The following IGSF10 variants were observed in gnomAD, a reference collection of about 807,000 sequenced individuals.
IGSF10 encodes the protein immunoglobulin superfamily member 10, also known as calvaria mechanical force protein 608.
In IGSF10, 126 loss-of-function variants were observed where a neutral mutation model predicts 128.2. The observed-to-expected ratio is 0.98, with a 90% CI of 0.85 to 1.14. The LOEUF (loss-of-function observed/expected upper bound fraction) is 1.14, where lower values mean the gene tolerates loss of function less well. Among genes scored for constraint, IGSF10 ranks in the 50% most tolerant of loss-of-function variants. IGSF10 has a pLI of 0.00. For synonymous variants in IGSF10, 1,185 were observed against 1,146.2 expected (o/e 1.03, Z -0.68); for missense variants, 3,295 against 3,149.8 (o/e 1.05, Z -1.10).
rs1721395477 is a variant in IGSF10, at chr3:151,449,264, A to G, written c.717T>C (p.Asp239=). 2 of 1,563,202 alleles carry G rather than the reference A, an allele frequency of 1.3e-6. No individual in the cohort carries two copies. Among genetic ancestry groups the G allele is most frequent in the African/African-American group, 1.4e-5 (1 of 72,764 alleles). The change falls in exon 6 of 8, where the codon GAT becomes GAC. Residue 239 remains aspartate (D), a splice_region_variant and synonymous_variant. Coordinates refer to ENST00000282466, the MANE Select transcript of IGSF10 (RefSeq NM_178822.5). ...WLSDWIQEKP[D]VIKCKKDRSP... ...TTCTATCTTTTTTGCATTTTATTACATCTGGAAAAAAATCACAATTGAATT... is the reference window on the plus strand; with the variant it reads ...TTCTATCTTTTTTGCATTTTATTACGTCTGGAAAAAAATCACAATTGAATT...
the IGSF10 span, among the ~76,000 whole-genome samples, chr3:151,497,457 G>C: frequency 7.2e-5 from 11 of 152,132 alleles, no homozygotes; most frequent in Non-Finnish European, 1.3e-4. Context: ...GCTTGTTTTT[G>C]TCAGGTTGGT....
At chr3:151,588,597 G>T in the IGSF10 span, among the ~76,000 whole-genome samples, 1 of 152,152 alleles carries the variant, frequency 6.6e-6, no homozygotes, top group African/African-American at 2.4e-5. Context: ...TTCTGATACG[G>T]TGTATACAAT....
At chr3:151,617,523 G>A in the IGSF10 span, among the ~76,000 whole-genome samples, 1 of 151,848 alleles carries the variant, frequency 6.6e-6, no homozygotes. Context: ...CATAACCGAA[G>A]GAGAATTTAC....
chr3:151,617,867 G>A, the IGSF10 span, among the ~76,000 whole-genome samples: 1 of 152,138 alleles, frequency 6.6e-6, no homozygotes, highest in Non-Finnish European at 1.5e-5. Flanking sequence ...ATGGGAGAGG[G>A]TTAGTTATCA....
the IGSF10 span, among the ~76,000 whole-genome samples, chr3:151,505,647 T>A: frequency 1.3e-5 from 2 of 152,212 alleles, no homozygotes; most frequent in African/African-American, 4.8e-5. Context: ...AAAGATATGT[T>A]ACAGTGGACA....
At chr3:151,537,137 T>A in the IGSF10 span, among the ~76,000 whole-genome samples, 1 of 152,256 alleles carries the variant, frequency 6.6e-6, no homozygotes, top group South Asian at 2.1e-4. Context: ...CAAAGGCAAT[T>A]TTTTTGCCTC....
At chr3:151,458,810 G>A (rs934495855) in intron 2 of IGSF10, 100 bp from the exon 3 acceptor site, 7 of 900,742 alleles carry the variant, frequency 7.8e-6, no homozygotes, top group Middle Eastern at 5.6e-4. Flanking sequence ...TTCTTTAAGG[G>A]TCGTAAGTGG....
At chr3:151,582,065 C>CA in the IGSF10 span, among the ~76,000 whole-genome samples, 4 of 151,612 alleles carry the variant, frequency 2.6e-5, no homozygotes, top group Non-Finnish European at 5.9e-5. Flanking sequence ...GGCTCTGTCT[C>CA]AAAAAACAAA....
the IGSF10 span, among the ~76,000 whole-genome samples, chr3:151,483,376 T>A: frequency 2.0e-5 from 3 of 152,136 alleles, no homozygotes; most frequent in Admixed American, 1.3e-4. Context: ...ATTGTAAGTA[T>A]AAAATATTTT....
the IGSF10 span, among the ~76,000 whole-genome samples, chr3:151,520,510 C>G: frequency 6.6e-6 from 1 of 151,696 alleles, no homozygotes; most frequent in African/African-American, 2.4e-5. Flanking sequence ...CCAAAGAACC[C>G]CATGAGACTA....
the IGSF10 span, among the ~76,000 whole-genome samples, chr3:151,585,838 T>C: frequency 6.6e-6 from 1 of 152,310 alleles, no homozygotes; most frequent in Admixed American, 6.5e-5. Context: ...TAGAAAATAA[T>C]GATGCCAATT....
chr3:151,532,802 T>C, the IGSF10 span, among the ~76,000 whole-genome samples: 1,255 of 152,286 alleles, frequency 8.2e-3, 11 homozygotes, highest in South Asian at 0.034. Flanking sequence ...CTATTCAACA[T>C]AGTATTGAAA....
At chr3:151,463,734 C>T (rs1722175057), upstream of IGSF10, among the ~76,000 whole-genome samples, 1 of 150,946 alleles carries the variant, frequency 6.6e-6, no homozygotes, top group Non-Finnish European at 1.5e-5. Context: ...ACCTGTAATC[C>T]CAGCATTTTG....
At position 151,458,677 on chromosome 3, in the gene IGSF10, C is replaced by G. The variant is rs1329629562; in HGVS notation, c.33G>C (p.Leu11Phe). The G allele has an allele frequency of 2.5e-6, 4 of 1,613,784 alleles. No individual in the cohort carries two copies. The Admixed American group carries it at 5.0e-5, about 20-fold the overall frequency. Reference sequence around the variant, plus strand: ...GGCAGATCACAGCAAAGGAGACCAGCAAGCAGGTGATTCCTCTGCCTTTTA... The same window carrying G: ...GGCAGATCACAGCAAAGGAGACCAGGAAGCAGGTGATTCCTCTGCCTTTTA... MKVKGRGITCLLVSFAVICLV... is the reference protein window; with the variant it reads MKVKGRGITCFLVSFAVICLV... Residue 11 changes from leucine (L) to phenylalanine (F), a missense_variant, in exon 3 of 8, where the codon TTG becomes TTC. Transcript: ENST00000282466.
chr3:151,446,622 T>C lies in IGSF10; in HGVS notation c.3359A>G (p.Glu1120Gly). 3 of 1,614,158 alleles carry C rather than the reference T, an allele frequency of 1.9e-6. No homozygotes were observed. Among genetic ancestry groups the C allele is most frequent in the Non-Finnish European group, 2.5e-6 (3 of 1,180,028 alleles). ...LLLLENKPSVEKTTPTIKYFR... is the reference protein window; with the variant it reads ...LLLLENKPSVGKTTPTIKYFR... ...ATATTTTATTGTGGGTGTTGTTTTC[T>C]CTACACTGGGTTTGTTCTCAAGTAG... Residue 1120 changes from glutamate (E) to glycine (G), a missense_variant, in exon 6 of 8, where the codon GAG (glutamate) becomes GGG (glycine). Coordinates refer to ENST00000282466, the MANE Select transcript of IGSF10 (RefSeq NM_178822.5).
Position 151,448,595 on chromosome 3 carries a change from T to C in IGSF10, c.1386A>G (p.Arg462=), listed in dbSNP as rs767252349. The C allele has an allele frequency of 1.5e-5, 25 of 1,614,042 alleles. 1 individual carries two copies. The South Asian group carries it at 2.7e-4, about 18-fold the overall frequency. The change falls in exon 6 of 8, where the codon AGA becomes AGG. Residue 462 remains arginine, a synonymous_variant. Coordinates refer to ENST00000282466, the MANE Select transcript of IGSF10 (RefSeq NM_178822.5). ...TGTGTTTCACTGGCCTCATCTCTGC[T>C]CTTGGTAAAGTGATTTGAGCATCAC... ...YSSDAQITLP[R]AEMRPVKHKW...
chr3:151,443,874 T>C lies in IGSF10; in HGVS notation c.5073A>G (p.Leu1691=). The C allele has an allele frequency of 6.3e-7, 1 of 1,594,462 alleles. No homozygotes were observed. Among genetic ancestry groups the C allele is most frequent in the Non-Finnish European group, 8.6e-7 (1 of 1,167,694 alleles). ...HWTRVPSGLD[L]SKRKQNSRVQ... ...CCCTGCTATTCTGTTTCCTCTTAGA[T>C]AAATCAAGTCCTGAGAAGAAAAAAA... The change falls in exon 7 of 8, where the codon TTA becomes TTG. Residue 1691 remains leucine, a synonymous_variant. Transcript: ENST00000282466.
chr3:151,465,842 G>A (rs537279633), upstream of IGSF10, among the ~76,000 whole-genome samples: 13 of 152,300 alleles, frequency 8.5e-5, no homozygotes, highest in South Asian at 2.1e-3. Flanking sequence ...CGGTAGACAA[G>A]ATTGAAAACC....
At chr3:151,506,102 C>T in the IGSF10 span, among the ~76,000 whole-genome samples, 1 of 152,168 alleles carries the variant, frequency 6.6e-6, no homozygotes, top group Non-Finnish European at 1.5e-5. Context: ...CAGGCACACG[C>T]CACTACGCTC....
Sources: allele counts gnomAD v4.1 joint callset (sites outside exome capture counted in the v4.1 genomes callset), GRCh38; gene constraint gnomAD v4.1.1; transcripts MANE v1.5; gene names NCBI Gene and HGNC (gene_info 2026-07-23, HGNC 2026-07-21).